The following TMEM135 variants were observed in gnomAD, a reference collection of about 807,000 sequenced individuals.
TMEM135 encodes the protein transmembrane protein 135.
Under a neutral mutation model 60.3 loss-of-function variants are expected in TMEM135, and 30 were observed. The ratio of observed to expected loss-of-function variants is 0.50; its 90% CI spans 0.37 to 0.68. The LOEUF is 0.68. TMEM135 is among the 30% of genes least tolerant of loss of function. The probability of loss-of-function intolerance (pLI) is 0.00; values close to 1 mark genes in which losing one functional copy is unlikely to be tolerated. For synonymous variants in TMEM135, 190 were observed against 186.7 expected (o/e 1.02, Z -0.14); for missense variants, 468 against 548.8 (o/e 0.85, Z 1.47).
intron 5 of TMEM135, among the ~76,000 whole-genome samples, chr11:87,191,691 G>A (rs1392409772): frequency 6.6e-6 from 1 of 152,132 alleles, no homozygotes; most frequent in African/African-American, 2.4e-5. Context: ...TCCTGTTAGA[G>A]TCTATTATTC....
chr11:87,283,596 C>T (rs1036265358), intron 6 of TMEM135, among the ~76,000 whole-genome samples: 3 of 129,466 alleles, frequency 2.3e-5, no homozygotes, highest in Non-Finnish European at 5.4e-5. Context: ...CGGTGGCTCA[C>T]GCCTTGTAAT....
chr11:87,093,282 C>T lies in TMEM135; in HGVS notation c.396+1887C>T, dbSNP rs117598397. ...AGGCTGGAGTACAGTGGTGTGATCACGGCTCACTACAGCTTGAACTCCTGG... is the reference window on the plus strand; with the variant it reads ...AGGCTGGAGTACAGTGGTGTGATCATGGCTCACTACAGCTTGAACTCCTGG... On this transcript the variant is annotated intron_variant, in intron 4 of 14. Transcript: ENST00000305494. Among the ~76,000 whole-genome samples, 367 of 152,068 alleles carry T rather than the reference C, an allele frequency of 2.4e-3. 1 individual carries two copies. The highest frequency in any genetic ancestry group is 4.2e-3 in the Non-Finnish European group (285 of 67,984).
intron 5 of TMEM135, among the ~76,000 whole-genome samples, chr11:87,213,237 G>C (rs2135345496): frequency 6.6e-6 from 1 of 152,270 alleles, no homozygotes; most frequent in South Asian, 2.1e-4. Context: ...AAGAAATCAG[G>C]TTTCTTTGCC....
rs144407325 is a variant in TMEM135 at position 87,259,396 on chromosome 11, A to G, written c.509+22712A>G. 678 of 266,726 alleles carry G rather than the reference A, an allele frequency of 2.5e-3. 4 individuals are homozygous for G. The highest frequency in any genetic ancestry group is 0.014 in the African/African-American group (632 of 45,322). 16.5% of individuals were successfully genotyped at this position (266,726 alleles called of 1,614,324 possible). On this transcript the variant is annotated intron_variant, in intron 6 of 14. Transcript: ENST00000305494. ...ATTTTATGTGTGTGTGTATATGTGT[A>G]TGTGTGTACGCGTGTAGAGCGGGAA...
intron 3 of TMEM135, among the ~76,000 whole-genome samples, chr11:87,071,918 A>G (rs1378880): frequency 0.58 from 88,110 of 151,978 alleles, 26,756 homozygotes; most frequent in East Asian, 0.82. Context: ...TAGGCCAGGC[A>G]GCTCATTCCT....
At chr11:87,256,678 C>G (rs528989621) in intron 6 of TMEM135, among the ~76,000 whole-genome samples, 1 of 152,212 alleles carries the variant, frequency 6.6e-6, no homozygotes, top group East Asian at 1.9e-4. Flanking sequence ...AAAAACATGT[C>G]TTTTGCTCAT....
intron 6 of TMEM135, among the ~76,000 whole-genome samples, chr11:87,262,121 A>G (rs1359134221): frequency 5.3e-5 from 8 of 152,234 alleles, no homozygotes; most frequent in African/African-American, 1.9e-4. Context: ...TTCTCAACAG[A>G]CATTTACACT....
chr11:87,170,277 C>T (rs1324881808), intron 5 of TMEM135, among the ~76,000 whole-genome samples: 2 of 152,100 alleles, frequency 1.3e-5, no homozygotes. Context: ...CCTTCTGAAG[C>T]CTATTTCTGT....
At chr11:87,096,446 C>T (rs1389588861) in intron 4 of TMEM135, 1 of 152,634 alleles carries the variant, frequency 6.6e-6, no homozygotes, top group Non-Finnish European at 1.5e-5. Context: ...CCTGCCCTCC[C>T]CAGCAGCCTA....
chr11:87,078,599 T>G (rs1429602275), intron 3 of TMEM135, among the ~76,000 whole-genome samples: 1 of 152,080 alleles, frequency 6.6e-6, no homozygotes, highest in East Asian at 1.9e-4. Flanking sequence ...AGTTATCTAT[T>G]TTTTCTTTCT....
chr11:87,181,563 G>A (rs1939516467), intron 5 of TMEM135, among the ~76,000 whole-genome samples: 1 of 152,154 alleles, frequency 6.6e-6, no homozygotes, highest in Non-Finnish European at 1.5e-5. Context: ...ACCCAGATCA[G>A]TGTTTGTCAG....
At chr11:87,210,889 G>A (rs1940353622) in intron 5 of TMEM135, among the ~76,000 whole-genome samples, 1 of 152,114 alleles carries the variant, frequency 6.6e-6, no homozygotes, top group Non-Finnish European at 1.5e-5. Context: ...GATTAAGAAT[G>A]AAAACAATGT....
chr11:87,282,757 G>A (rs1419802413), intron 6 of TMEM135, among the ~76,000 whole-genome samples: 3 of 152,208 alleles, frequency 2.0e-5, no homozygotes, highest in Non-Finnish European at 4.4e-5. Flanking sequence ...AGACAGTTAG[G>A]TGATTGGGAT....
chr11:87,326,923 T>A lies in TMEM135; in HGVS notation c.*5590T>A, dbSNP rs1045945841. The A allele has an allele frequency of 2.3e-6, 1 of 434,316 alleles. No homozygotes were observed. The allele number at this position is 434,316 out of a possible 1,614,324, so 26.9% of individuals were successfully genotyped here. Reference sequence around the variant, plus strand: ...ATCATCTGAGGACCTTTTTTTTTTTTTTTTTTTCACTAAAACGCTTCCTAT... The same window carrying A: ...ATCATCTGAGGACCTTTTTTTTTTTATTTTTTTCACTAAAACGCTTCCTAT... On this transcript the variant is annotated 3_prime_UTR_variant, in exon 15 of 15. Transcript: ENST00000305494.
intron 5 of TMEM135, among the ~76,000 whole-genome samples, chr11:87,198,177 C>A (rs946004707): frequency 6.6e-6 from 1 of 152,138 alleles, no homozygotes; most frequent in Admixed American, 6.5e-5. Context: ...TCCCAACCAT[C>A]CTCCTCAGTT....
At chr11:87,091,470 G>T (rs1857203162) in intron 4 of TMEM135, 75 bp downstream of exon 4, 1 of 1,451,926 alleles carries the variant, frequency 6.9e-7, no homozygotes, top group South Asian at 1.2e-5. Context: ...CTTAAAAAAA[G>T]TAAAAGAGGA....
chr11:87,069,916 T>G (rs11234946), intron 2 of TMEM135, among the ~76,000 whole-genome samples: 15,099 of 151,978 alleles, frequency 0.099, 835 homozygotes, highest in East Asian at 0.17. Flanking sequence ...TCACACCTGT[T>G]ATCTCAGCAC....
chr11:87,055,271 A>G (rs115789202), intron 1 of TMEM135, among the ~76,000 whole-genome samples: 2,937 of 152,266 alleles, frequency 0.019, 109 homozygotes, highest in African/African-American at 0.067. Flanking sequence ...AATCAAGAGA[A>G]ATAAGAAGCA....
At chr11:87,184,747 C>T (rs779972075) in intron 5 of TMEM135, among the ~76,000 whole-genome samples, 3 of 151,992 alleles carry the variant, frequency 2.0e-5, no homozygotes, top group Non-Finnish European at 4.4e-5. Flanking sequence ...GCTTCTAGCA[C>T]AATGCCTGGA....
Sources: gnomAD v4.1 joint callset for allele counts (sites outside exome capture counted in the v4.1 genomes callset) on GRCh38, gnomAD v4.1.1 for gene constraint, MANE v1.5 for transcripts, NCBI Gene and HGNC (gene_info 2026-07-23, HGNC 2026-07-21) for gene names.